The following DENND1B variants were observed in gnomAD, a reference collection of about 807,000 sequenced individuals.
DENND1B encodes the protein DENN domain containing 1B.
DENND1B carries 59 observed loss-of-function variants against 90.1 expected under a neutral mutation model. The observed-to-expected ratio is 0.65, with a 90% CI of 0.53 to 0.81. The LOEUF (loss-of-function observed/expected upper bound fraction) is 0.81. Among genes scored for constraint, DENND1B ranks in the 40% least tolerant of loss-of-function variants. The probability of loss-of-function intolerance (pLI) is 0.00; values close to 1 mark genes in which losing one functional copy is unlikely to be tolerated. For missense variants in DENND1B, 862 were observed against 912.6 expected (o/e 0.94, Z 0.71); for synonymous variants, 337 against 324.6 (o/e 1.04, Z -0.41).
intron 21 of DENND1B, among the ~76,000 whole-genome samples, chr1:197,512,556 T>A (rs1668104587): frequency 6.6e-6 from 1 of 151,658 alleles, no homozygotes; most frequent in Admixed American, 6.6e-5. Context: ...CCATTCCTGA[T>A]ATTTAACCTT....
intron 2 of DENND1B, 40 bp from the exon 3 acceptor site, chr1:197,715,114 G>A: frequency 6.4e-7 from 1 of 1,554,596 alleles, no homozygotes; most frequent in Non-Finnish European, 8.8e-7. Flanking sequence ...AGCAGCAAAA[G>A]AACACATTTA....
At chr1:197,694,223 T>G (rs1014675997) in intron 3 of DENND1B, among the ~76,000 whole-genome samples, 1 of 150,968 alleles carries the variant, frequency 6.6e-6, no homozygotes, top group African/African-American at 2.4e-5. Flanking sequence ...TAAAAAAAAA[T>G]TAGAAAAATT....
rs1657177966 is a variant in DENND1B, at chr1:197,775,295, GCGGCGGGCCCATGTCGGCTGCGCCCC to G, written c.-166_-141del. ...AAAGAGGCTGCTCACAGCAGCCGTG[GCGGCGGGCCCATGTCGGCTGCGCCCC>G]CGGCACTTCCCCGCCTCCCACCCCA... On this transcript the variant is annotated 5_prime_UTR_variant, in exon 1 of 23. The change abolishes an upstream ATG in the 5' untranslated region. Transcript: ENST00000620048. The G allele has an allele frequency of 1.6e-6, 1 of 620,900 alleles. No homozygotes were observed. Among genetic ancestry groups the G allele is most frequent in the Non-Finnish European group, 2.3e-6 (1 of 432,790 alleles). The allele number at this position is 620,900 out of a possible 1,614,324, so 38.5% of individuals were successfully genotyped here.
chr1:197,761,683 T>C (rs1215618931), intron 2 of DENND1B: 1 of 152,166 alleles, frequency 6.6e-6, no homozygotes, highest in Admixed American at 6.5e-5. Flanking sequence ...CTCATGCTGG[T>C]GCATTTCTGC....
At chr1:197,696,580 A>C (rs1269856193) in intron 3 of DENND1B, among the ~76,000 whole-genome samples, 1 of 151,566 alleles carries the variant, frequency 6.6e-6, no homozygotes, top group Non-Finnish European at 1.5e-5. Context: ...ATTTCATTCA[A>C]ACTTTGTTGA....
At chr1:197,636,617 G>C (rs566870470) in intron 10 of DENND1B, among the ~76,000 whole-genome samples, 1 of 152,096 alleles carries the variant, frequency 6.6e-6, no homozygotes, top group Non-Finnish European at 1.5e-5. Flanking sequence ...AAATGAGTTA[G>C]TTTAAATAAA....
At chr1:197,518,643 T>C (rs1668564662) in intron 20 of DENND1B, among the ~76,000 whole-genome samples, 1 of 151,820 alleles carries the variant, frequency 6.6e-6, no homozygotes, top group Admixed American at 6.6e-5. Context: ...CTTATGAAAA[T>C]TTACATAAGT....
At chr1:197,579,290 GGT>G (rs796499665) in intron 15 of DENND1B, among the ~76,000 whole-genome samples, 83 of 152,196 alleles carry the variant, frequency 5.5e-4, no homozygotes, top group African/African-American at 2.0e-3. Context: ...ATAATTAAAA[GGT>G]GTTTTGTTTG....
At chr1:197,709,431 CT>C (rs1659888083) in intron 3 of DENND1B, among the ~76,000 whole-genome samples, 1 of 24,358 alleles carries the variant, frequency 4.1e-5, no homozygotes, top group Non-Finnish European at 7.8e-5. Flanking sequence ...ATTCAACATT[CT>C]TAAAGAAAAG....
chr1:197,539,703 C>T (rs1412905000), intron 20 of DENND1B, among the ~76,000 whole-genome samples: 1 of 152,152 alleles, frequency 6.6e-6, no homozygotes, highest in Non-Finnish European at 1.5e-5. Context: ...AAGAATCACA[C>T]ATTCAATTGT....
intron 2 of DENND1B, among the ~76,000 whole-genome samples, chr1:197,770,818 ATG>A (rs1368242734): frequency 2.2e-5 from 3 of 135,132 alleles, no homozygotes; most frequent in African/African-American, 8.5e-5. Flanking sequence ...ATAAATATAT[ATG>A]TAAATATATA....
At chr1:197,772,990 T>A in intron 1 of DENND1B, 58 bp from the exon 2 acceptor site, 2 of 1,361,934 alleles carry the variant, frequency 1.5e-6, no homozygotes, top group Non-Finnish European at 2.1e-6. Context: ...CCATGAAACT[T>A]GTATTTTCTT....
chr1:197,554,616 G>A (rs1671545171), intron 15 of DENND1B, among the ~76,000 whole-genome samples: 2 of 151,684 alleles, frequency 1.3e-5, no homozygotes, highest in Non-Finnish European at 2.9e-5. Flanking sequence ...GAGGTGGAGG[G>A]ATCACAAGGT....
intron 2 of DENND1B, among the ~76,000 whole-genome samples, chr1:197,765,769 C>T (rs7516481): frequency 0.47 from 70,905 of 152,008 alleles, 17,339 homozygotes; most frequent in East Asian, 0.66. Flanking sequence ...AAGAGGTCAC[C>T]TTAGATTAAA....
intron 14 of DENND1B, among the ~76,000 whole-genome samples, chr1:197,588,449 G>A (rs1208130683): frequency 2.0e-5 from 3 of 152,090 alleles, no homozygotes; most frequent in African/African-American, 7.2e-5. Context: ...AGTTCACTGT[G>A]AAAGAAAATT....
At chr1:197,529,256 GTGTGTGTGTGTGTATA>G (rs1193858845) in intron 20 of DENND1B, among the ~76,000 whole-genome samples, 223 of 14,302 alleles carry the variant, frequency 0.016, 1 homozygote, top group Middle Eastern at 0.031. Context: ...GTGTGTGTGT[GTGTGTGTGTGTGTATA>G]TGTATATATG....
At chr1:197,758,740 G>A (rs760326069) in intron 2 of DENND1B, among the ~76,000 whole-genome samples, 12 of 152,046 alleles carry the variant, frequency 7.9e-5, no homozygotes, top group African/African-American at 1.9e-4. Flanking sequence ...TTAGAAAATC[G>A]TGGCATCAAA....
At chr1:197,707,920 C>T (rs1258498024) in intron 3 of DENND1B, among the ~76,000 whole-genome samples, 2 of 151,408 alleles carry the variant, frequency 1.3e-5, no homozygotes, top group South Asian at 4.2e-4. Flanking sequence ...ACCTGGGAAG[C>T]GCAAGGGGTC....
chr1:197,546,893 G>A, intron 16 of DENND1B, 120 bp from the exon 17 acceptor site: 2 of 736,672 alleles, frequency 2.7e-6, no homozygotes, highest in South Asian at 3.8e-5. Context: ...ATGCAATGTT[G>A]AAAAGTAGTT....
Sources: allele counts gnomAD v4.1 joint callset (sites outside exome capture counted in the v4.1 genomes callset), GRCh38; gene constraint gnomAD v4.1.1; transcripts MANE v1.5; gene names NCBI Gene and HGNC (gene_info 2026-07-23, HGNC 2026-07-21).